Variants in SGCD observed in about 807,000 individuals in gnomAD.
SGCD encodes delta-sarcoglycan.
Under a neutral mutation model 36.6 loss-of-function variants are expected in SGCD, and 18 were observed. The ratio of observed to expected loss-of-function variants is 0.49; its 90% CI spans 0.34 to 0.73. The LOEUF is 0.73. SGCD is among the 30% of genes least tolerant of loss of function. SGCD has a pLI of 0.01. For synonymous variants in SGCD, 133 were observed against 130.6 expected (o/e 1.02, Z -0.12); for missense variants, 387 against 346.7 (o/e 1.12, Z -0.92).
intron 3 of SGCD, among the ~76,000 whole-genome samples, chr5:156,183,973 AC>A (rs1441958446): frequency 2.0e-5 from 3 of 152,200 alleles, no homozygotes; most frequent in African/African-American, 7.2e-5. Context: ...ATTTTGACAA[AC>A]ACATCATCAG....
At chr5:156,229,636 A>G (rs1764961562) in intron 3 of SGCD, among the ~76,000 whole-genome samples, 1 of 152,040 alleles carries the variant, frequency 6.6e-6, no homozygotes, top group Non-Finnish European at 1.5e-5. Context: ...CCTGATGACA[A>G]TGTGCCTAGG....
chr5:156,585,096 T>C (rs1760439480), intron 4 of SGCD, among the ~76,000 whole-genome samples: 1 of 152,084 alleles, frequency 6.6e-6, no homozygotes, highest in Admixed American at 6.6e-5. Context: ...GCTCCCAAAT[T>C]TGGGCACAGT....
chr5:155,802,285 G>A, the SGCD span, among the ~76,000 whole-genome samples: 1 of 152,206 alleles, frequency 6.6e-6, no homozygotes, highest in Non-Finnish European at 1.5e-5. Context: ...AGATTAGAGA[G>A]AGCAACATAG....
intron 3 of SGCD, among the ~76,000 whole-genome samples, chr5:156,378,875 A>C (rs1375575364): frequency 1.3e-5 from 2 of 152,192 alleles, no homozygotes; most frequent in East Asian, 3.8e-4. Context: ...AAAAATGTAT[A>C]TTGCATATGA....
At chr5:156,156,649 C>T (rs182906327) in intron 3 of SGCD, among the ~76,000 whole-genome samples, 66 of 151,332 alleles carry the variant, frequency 4.4e-4, no homozygotes, top group Admixed American at 2.0e-4. Context: ...AATGCACATA[C>T]GCAGCTGTAC....
At chr5:156,216,042 C>T (rs754598258) in intron 3 of SGCD, among the ~76,000 whole-genome samples, 35 of 152,210 alleles carry the variant, frequency 2.3e-4, no homozygotes, top group Non-Finnish European at 4.3e-4. Flanking sequence ...TGTGGATGAA[C>T]CTGGAGGACA....
intron 3 of SGCD, among the ~76,000 whole-genome samples, chr5:156,146,711 A>G (rs780795253): frequency 3.3e-5 from 5 of 152,206 alleles, no homozygotes; most frequent in African/African-American, 4.8e-5. Context: ...GTAAATGATG[A>G]GAGTAATATA....
intron 3 of SGCD, among the ~76,000 whole-genome samples, chr5:156,148,278 T>C (rs1009631418): frequency 9.2e-5 from 14 of 152,218 alleles, no homozygotes; most frequent in African/African-American, 3.1e-4. Context: ...CAGCAGACCA[T>C]ATGCAAACAC....
chr5:156,088,097 A>T (rs1761146949), intron 1 of SGCD, among the ~76,000 whole-genome samples: 1 of 152,164 alleles, frequency 6.6e-6, no homozygotes, highest in Non-Finnish European at 1.5e-5. Flanking sequence ...GTTCTGAGGG[A>T]ATCCAGCCCA....
intron 3 of SGCD, among the ~76,000 whole-genome samples, chr5:156,374,839 G>A (rs536139739): frequency 6.6e-6 from 1 of 152,200 alleles, no homozygotes; most frequent in South Asian, 2.1e-4. Context: ...CGTGGTGTGA[G>A]GCAGCCTGAG....
intron 3 of SGCD, among the ~76,000 whole-genome samples, chr5:156,434,998 T>A (rs1377302516): frequency 6.6e-6 from 1 of 152,216 alleles, no homozygotes; most frequent in African/African-American, 2.4e-5. Context: ...CTTAAGCGTG[T>A]CATGTGGACT....
chr5:156,378,107 T>C (rs78814160), intron 3 of SGCD, among the ~76,000 whole-genome samples: 2,132 of 152,262 alleles, frequency 0.014, 23 homozygotes, highest in Non-Finnish European at 0.023. Context: ...CAAGCATCCA[T>C]TGACAGATGA....
chr5:156,471,706 CAT>C (rs1265371997), intron 3 of SGCD, among the ~76,000 whole-genome samples: 3 of 151,852 alleles, frequency 2.0e-5, no homozygotes, highest in Non-Finnish European at 4.4e-5. Flanking sequence ...TAGAAGAAAA[CAT>C]AAAGAGATTA....
At chr5:156,235,670 AC>A (rs1347316249) in intron 3 of SGCD, among the ~76,000 whole-genome samples, 1 of 152,186 alleles carries the variant, frequency 6.6e-6, no homozygotes, top group African/African-American at 2.4e-5. Flanking sequence ...AATCGAAACT[AC>A]TGTAATTACA....
chr5:156,082,745 A>C (rs1043745849), intron 1 of SGCD, among the ~76,000 whole-genome samples: 1 of 152,256 alleles, frequency 6.6e-6, no homozygotes, highest in African/African-American at 2.4e-5. Context: ...TCTGAAATAC[A>C]TCAGGATCGC....
chr5:156,018,194 TA>T (rs1422182158), intron 1 of SGCD, among the ~76,000 whole-genome samples: 1 of 152,148 alleles, frequency 6.6e-6, no homozygotes, highest in Non-Finnish European at 1.5e-5. Context: ...GATAAATAGA[TA>T]AATAAATTAA....
At chr5:156,181,342 A>G (rs1445076363) in intron 3 of SGCD, among the ~76,000 whole-genome samples, 1 of 152,206 alleles carries the variant, frequency 6.6e-6, no homozygotes, top group Non-Finnish European at 1.5e-5. Context: ...GGAAGGCTAT[A>G]CCATGTTCAT....
chr5:156,509,900 A>AT (rs1756858976), intron 4 of SGCD, among the ~76,000 whole-genome samples: 1 of 152,232 alleles, frequency 6.6e-6, no homozygotes, highest in Admixed American at 6.5e-5. Context: ...AGGATTATTA[A>AT]TGCATTTGCT....
At chr5:156,276,321 G>C (rs191319649) in intron 3 of SGCD, among the ~76,000 whole-genome samples, 1 of 152,232 alleles carries the variant, frequency 6.6e-6, no homozygotes, top group African/African-American at 2.4e-5. Context: ...AATTATGAAA[G>C]AAGACTATAT....
Sources: allele counts gnomAD v4.1 joint callset (sites outside exome capture counted in the v4.1 genomes callset), GRCh38; gene constraint gnomAD v4.1.1; transcripts MANE v1.5; gene names NCBI Gene and HGNC (gene_info 2026-07-23, HGNC 2026-07-21).